The following ITPR2 variants were observed in gnomAD, a reference collection of about 807,000 sequenced individuals.
The protein encoded by ITPR2 is inositol 1,4,5-trisphosphate receptor type 2.
In ITPR2, 207 loss-of-function variants were observed where a neutral mutation model predicts 317.1. The observed-to-expected ratio is 0.65, with a 90% CI of 0.58 to 0.73. The LOEUF (loss-of-function observed/expected upper bound fraction) is 0.73, where lower values mean the gene tolerates loss of function less well. ITPR2 is among the 30% of genes least tolerant of loss of function. The probability of loss-of-function intolerance (pLI) is 0.00; values close to 1 mark genes in which losing one functional copy is unlikely to be tolerated. For missense variants in ITPR2, 2,613 were observed against 3,284.0 expected, an observed-to-expected ratio of 0.80 and a Z score of 4.99; for synonymous variants, 1,156 against 1,149.1, an observed-to-expected ratio of 1.01 and a Z score of -0.12.
chr12:26,789,941 T>C (rs982429640), intron 2 of ITPR2, among the ~76,000 whole-genome samples: 1 of 152,222 alleles, frequency 6.6e-6, no homozygotes, highest in Non-Finnish European at 1.5e-5. Context: ...AGATAGACCA[T>C]TGTCTGGCAA....
At chr12:26,388,085 C>T (rs555490996) in intron 54 of ITPR2, among the ~76,000 whole-genome samples, 6 of 152,268 alleles carry the variant, frequency 3.9e-5, no homozygotes, top group African/African-American at 7.2e-5. Flanking sequence ...AGAAGATGGC[C>T]GTCCACACGC....
intron 42 of ITPR2, among the ~76,000 whole-genome samples, chr12:26,483,092 A>T (rs1942583116): frequency 6.6e-6 from 1 of 152,200 alleles, no homozygotes; most frequent in Admixed American, 6.5e-5. Flanking sequence ...TTGATATCCC[A>T]GAAAACAAAA....
At chr12:26,676,377 T>C in intron 13 of ITPR2, among the ~76,000 whole-genome samples, 1 of 150,138 alleles carries the variant, frequency 6.7e-6, no homozygotes, top group East Asian at 1.9e-4. Flanking sequence ...CTCGGGAGGC[T>C]GAGGCAAAAG....
intron 5 of ITPR2, among the ~76,000 whole-genome samples, chr12:26,720,483 C>A (rs768092801): frequency 6.6e-6 from 1 of 152,092 alleles, no homozygotes; most frequent in Non-Finnish European, 1.5e-5. Flanking sequence ...TTTAGAAATA[C>A]GCTACCTATT....
intron 34 of ITPR2, among the ~76,000 whole-genome samples, chr12:26,575,101 C>T (rs1591918730): frequency 6.7e-6 from 1 of 149,284 alleles, no homozygotes; most frequent in Non-Finnish European, 1.5e-5. Flanking sequence ...GGAATTTGAG[C>T]AGAAAAAAAG....
chr12:26,340,359 G>A (rs1938067865), intron 55 of ITPR2, 31 bp from the exon 56 acceptor site: 1 of 1,560,150 alleles, frequency 6.4e-7, no homozygotes, highest in East Asian at 2.3e-5. Flanking sequence ...GCGAACAAGG[G>A]AATAAGTATG....
intron 1 of ITPR2, among the ~76,000 whole-genome samples, chr12:26,815,820 G>A (rs1340179407): frequency 3.3e-5 from 5 of 152,250 alleles, no homozygotes; most frequent in African/African-American, 9.6e-5. Context: ...TGTGGCCGGC[G>A]CGGTGGCTTA....
chr12:26,602,454 C>T lies in ITPR2; in HGVS notation c.3594G>A (p.Lys1198=). The change falls in exon 28 of 57, where the codon AAG becomes AAA. Residue 1198 remains lysine, a synonymous_variant. Transcript: ENST00000381340. ...RLSKLCVQNK[K]CRNQHQRLLK... ...GTAATCGTTGATGTTGATTCCGACA[C>T]TTTTTATTCTGCACACAGAGTTTAC... is the stretch of plus-strand genomic sequence containing the variant. 1.9e-6 allele frequency: 3 copies of T among 1,613,710 alleles called. No homozygotes were observed. In the South Asian group the frequency reaches 3.3e-5, roughly 18 times the overall value.
At chr12:26,439,407 T>C (rs1941434558) in intron 46 of ITPR2, 88 bp from the exon 47 acceptor site, 1 of 943,508 alleles carries the variant, frequency 1.1e-6, no homozygotes, top group Admixed American at 2.9e-5. Flanking sequence ...TTACTGAGAA[T>C]GTTTTATGAA....
chr12:26,790,445 T>C lies in ITPR2; in HGVS notation c.93-218A>G, dbSNP rs143402031. Among the ~76,000 whole-genome samples, 3 of 152,296 alleles carry C rather than the reference T, an allele frequency of 2.0e-5. No individual in the cohort carries two copies. The East Asian group carries it at 5.8e-4, about 29-fold the overall frequency. ...AAACATTGGAAACATTGTTAAGAGG[T>C]AGGAAACTAGTTAGATAACTCATGA... is the stretch of plus-strand genomic sequence containing the variant. On this transcript the variant is annotated intron_variant, in intron 1 of 56. Coordinates refer to ENST00000381340, the MANE Select transcript of ITPR2 (RefSeq NM_002223.4).
rs182422373 is a variant in ITPR2 at position 26,792,954 on chromosome 12, C to G, written c.93-2727G>C. The stretch of plus-strand genomic sequence containing the variant: ...CCACATGAGTCTAGATGTGCCCCAA[C>G]GAGGGCAGAGTACAGAGGACTATTA... On this transcript the variant is annotated intron_variant, in intron 1 of 56. Coordinates refer to ENST00000381340, the MANE Select transcript of ITPR2 (RefSeq NM_002223.4). 5.3e-5 allele frequency among the ~76,000 whole-genome samples: 8 copies of G among 152,334 alleles called. No homozygotes were observed. In the East Asian group the frequency reaches 1.5e-3, roughly 29 times the overall value.
intron 1 of ITPR2, among the ~76,000 whole-genome samples, chr12:26,806,071 G>C (rs1258978707): frequency 1.3e-5 from 2 of 152,048 alleles, no homozygotes; most frequent in Admixed American, 1.3e-4. Flanking sequence ...GAAAAGTGAG[G>C]GTCCATAAAT....
intron 39 of ITPR2, 84 bp downstream of exon 39, chr12:26,494,069 C>A: frequency 2.9e-6 from 3 of 1,038,036 alleles, no homozygotes; most frequent in South Asian, 2.0e-5. Flanking sequence ...CTAAAAGAAA[C>A]ACATTACTTT....
At chr12:26,634,593 A>G (rs1023765250) in intron 21 of ITPR2, among the ~76,000 whole-genome samples, 21 of 152,128 alleles carry the variant, frequency 1.4e-4, no homozygotes, top group African/African-American at 4.6e-4. Flanking sequence ...ACAAAGTAAG[A>G]AGGAAGGAAA....
At position 26,600,152 on chromosome 12, in the gene ITPR2, G is replaced by A. The variant is rs373567950; in HGVS notation, c.3679-43C>T. 1.9e-6 allele frequency: 3 copies of A among 1,545,466 alleles called. No homozygotes were observed. The African/African-American group carries it at 4.1e-5, about 21-fold the overall frequency. On this transcript the variant is annotated intron_variant, in intron 28 of 56. Coordinates refer to ENST00000381340, the MANE Select transcript of ITPR2 (RefSeq NM_002223.4). ...GCACATGATAGAAACAAACATAGGA[G>A]ACAGCAAATGTTATGCAAAAATCTC...
At chr12:26,543,002 C>T (rs981419267) in intron 37 of ITPR2, among the ~76,000 whole-genome samples, 1 of 152,210 alleles carries the variant, frequency 6.6e-6, no homozygotes. Flanking sequence ...AGTTGACAGA[C>T]ATCTCTACTT....
intron 37 of ITPR2, among the ~76,000 whole-genome samples, chr12:26,512,294 T>G (rs544231090): frequency 3.3e-5 from 5 of 152,032 alleles, no homozygotes; most frequent in Admixed American, 2.0e-4. Context: ...AATTTCACTC[T>G]GGCAATGTAA....
intron 35 of ITPR2, among the ~76,000 whole-genome samples, chr12:26,559,551 TAATA>T (rs1944758018): frequency 1.3e-4 from 2 of 15,324 alleles, no homozygotes; most frequent in African/African-American, 3.1e-4. Context: ...CATCACCTCC[TAATA>T]CTAATACTAA....
intron 21 of ITPR2, among the ~76,000 whole-genome samples, chr12:26,635,535 T>C (rs1467348580): frequency 6.6e-6 from 1 of 152,244 alleles, no homozygotes; most frequent in African/African-American, 2.4e-5. Flanking sequence ...AATTGTTCTA[T>C]GACTACTAAA....
Sources: gnomAD v4.1 joint callset for allele counts (sites outside exome capture counted in the v4.1 genomes callset) on GRCh38, gnomAD v4.1.1 for gene constraint, MANE v1.5 for transcripts, NCBI Gene and HGNC (gene_info 2026-07-23, HGNC 2026-07-21) for gene names.